The following RTTN variants were observed in gnomAD, a reference collection of about 807,000 sequenced individuals.
The protein encoded by RTTN is rotatin.
Under a neutral mutation model 269.2 loss-of-function variants are expected in RTTN, and 182 were observed. The ratio of observed to expected loss-of-function variants is 0.68; its 90% CI spans 0.60 to 0.76. RTTN has a LOEUF of 0.76. Among genes scored for constraint, RTTN ranks in the 30% least tolerant of loss-of-function variants. The pLI is 0.00. For missense variants in RTTN, 2,545 were observed against 2,608.6 expected, an observed-to-expected ratio of 0.98 and a Z score of 0.53; for synonymous variants, 1,006 against 963.5, an observed-to-expected ratio of 1.04 and a Z score of -0.82.
chr18:70,013,174 G>A (rs996979228), intron 46 of RTTN, among the ~76,000 whole-genome samples: 1 of 152,160 alleles, frequency 6.6e-6, no homozygotes, highest in African/African-American at 2.4e-5. Flanking sequence ...GGTTATGGCT[G>A]CAAGTGCTAC....
chr18:70,026,383 C>T (rs2056853787), intron 43 of RTTN, among the ~76,000 whole-genome samples: 1 of 152,080 alleles, frequency 6.6e-6, no homozygotes, highest in Admixed American at 6.6e-5. Flanking sequence ...TGGTGCTTTC[C>T]TCAAGACAGT....
chr18:70,027,954 T>G (rs1266365744), intron 43 of RTTN, among the ~76,000 whole-genome samples: 8 of 152,168 alleles, frequency 5.3e-5, no homozygotes. Context: ...AGGTAAAAAT[T>G]TATAAGGCAA....
intron 28 of RTTN, among the ~76,000 whole-genome samples, chr18:70,108,650 A>T (rs892549185): frequency 2.0e-5 from 3 of 152,150 alleles, no homozygotes; most frequent in Non-Finnish European, 4.4e-5. Context: ...CTAACATATA[A>T]AAAGAGTAAT....
At chr18:70,016,939 A>G (rs1365915492) in intron 46 of RTTN, among the ~76,000 whole-genome samples, 1 of 152,154 alleles carries the variant, frequency 6.6e-6, no homozygotes, top group Non-Finnish European at 1.5e-5. Context: ...TCAGATGGCG[A>G]TAATACTACG....
intron 35 of RTTN, among the ~76,000 whole-genome samples, chr18:70,060,831 T>C (rs746890599): frequency 1.3e-5 from 2 of 152,072 alleles, no homozygotes; most frequent in Non-Finnish European, 2.9e-5. Context: ...TTTTTTTAGT[T>C]CCCAAATATG....
Position 70,030,128 on chromosome 18 carries a change from A to G in RTTN, c.5648-19T>C. 6.7e-7 allele frequency: 1 copy of G among 1,495,914 alleles called. No individual in the cohort carries two copies. Among genetic ancestry groups the G allele is most frequent in the Non-Finnish European group, 9.3e-7 (1 of 1,076,778 alleles). The allele number at this position is 1,495,914 out of a possible 1,614,324, so 92.7% of individuals were successfully genotyped here. Reference sequence around the variant, plus strand: ...AGATTGGCTGAAAGACAAAATCTGCAGTAGTCAAAAGGATATTCTATTTCC... The same window carrying G: ...AGATTGGCTGAAAGACAAAATCTGCGGTAGTCAAAAGGATATTCTATTTCC... On this transcript the variant is annotated intron_variant, in intron 41 of 48. Coordinates refer to ENST00000640769, the MANE Select transcript of RTTN (RefSeq NM_173630.4).
intron 7 of RTTN, among the ~76,000 whole-genome samples, chr18:70,195,837 A>G (rs1246939317): frequency 6.6e-6 from 1 of 152,230 alleles, no homozygotes; most frequent in Non-Finnish European, 1.5e-5. Context: ...AAGATCTAGA[A>G]TAAAACCAAG....
intron 36 of RTTN, among the ~76,000 whole-genome samples, chr18:70,059,227 G>C (rs997980645): frequency 6.6e-6 from 1 of 152,174 alleles, no homozygotes; most frequent in Non-Finnish European, 1.5e-5. Context: ...AAGCTACTGA[G>C]TGAATGAACT....
chr18:70,167,337 T>C (rs2061015045), intron 12 of RTTN, among the ~76,000 whole-genome samples: 1 of 152,186 alleles, frequency 6.6e-6, no homozygotes, highest in Non-Finnish European at 1.5e-5. Context: ...CTAATAAAAG[T>C]AGGGCTAATG....
At chr18:70,168,709 A>C in intron 12 of RTTN, 146 bp downstream of exon 12, 1 of 579,778 alleles carries the variant, frequency 1.7e-6, no homozygotes. Flanking sequence ...CCTGTTAAAT[A>C]ACAGGTTATG....
At chr18:70,018,315 C>T (rs555090862) in intron 45 of RTTN, among the ~76,000 whole-genome samples, 1 of 152,302 alleles carries the variant, frequency 6.6e-6, no homozygotes, top group East Asian at 1.9e-4. Flanking sequence ...AAAAACCCCA[C>T]CAAACCCTTC....
intron 27 of RTTN, among the ~76,000 whole-genome samples, chr18:70,110,852 AC>A (rs2059446323): frequency 6.6e-6 from 1 of 152,152 alleles, no homozygotes; most frequent in South Asian, 2.1e-4. Context: ...TCTGAGATTG[AC>A]CTGGGACGCT....
intron 34 of RTTN, among the ~76,000 whole-genome samples, chr18:70,068,543 C>T (rs146964977): frequency 0.012 from 1,890 of 152,270 alleles, 22 homozygotes; most frequent in South Asian, 0.029. Context: ...TGTGTCCCCG[C>T]GGAACTTCAG....
chr18:70,142,192 G>A (rs538582560), intron 19 of RTTN, 96 bp downstream of exon 19: 207 of 745,786 alleles, frequency 2.8e-4, no homozygotes, highest in Non-Finnish European at 4.0e-4. Context: ...TGGATCTGGC[G>A]CATAAACCAT....
intron 45 of RTTN, chr18:70,019,650 C>T (rs1335369177): frequency 1.3e-5 from 2 of 152,110 alleles, no homozygotes; most frequent in African/African-American, 4.8e-5. Context: ...TGGCTGATTT[C>T]AAAATAACAA....
chr18:70,153,155 G>A (rs1468622349), intron 14 of RTTN, among the ~76,000 whole-genome samples: 4 of 151,810 alleles, frequency 2.6e-5, no homozygotes, highest in Admixed American at 2.6e-4. Flanking sequence ...TCATTCTCTA[G>A]TCCTTTATCC....
intron 36 of RTTN, 101 bp from the exon 37 acceptor site, chr18:70,057,933 T>G: frequency 1.4e-6 from 1 of 711,478 alleles, no homozygotes; most frequent in Non-Finnish European, 2.3e-6. Context: ...TCGAATACAA[T>G]TCAAGAGAAA....
chr18:70,023,869 G>A (rs1051811677), intron 44 of RTTN, among the ~76,000 whole-genome samples: 14 of 151,946 alleles, frequency 9.2e-5, no homozygotes, highest in Non-Finnish European at 1.8e-4. Context: ...TGTAACCTCC[G>A]CTTCCTGGGT....
intron 17 of RTTN, among the ~76,000 whole-genome samples, chr18:70,148,009 T>C (rs17233729): frequency 0.022 from 3,332 of 152,254 alleles, 55 homozygotes; most frequent in Middle Eastern, 0.041. Context: ...CTCTCTACAA[T>C]ACAGAGATAT....
Sources: gnomAD v4.1 joint callset for allele counts (sites outside exome capture counted in the v4.1 genomes callset) on GRCh38, gnomAD v4.1.1 for gene constraint, MANE v1.5 for transcripts, NCBI Gene and HGNC (gene_info 2026-07-23, HGNC 2026-07-21) for gene names.